Variants in SVIL observed in about 807,000 individuals in gnomAD.
SVIL encodes archvillin.
A neutral mutation model predicts 240.4 loss-of-function variants in SVIL; 101 were observed. The ratio of observed to expected loss-of-function variants is 0.42; its 90% CI spans 0.36 to 0.50. The LOEUF (loss-of-function observed/expected upper bound fraction) is 0.50. SVIL is among the 20% of genes least tolerant of loss of function. The probability of loss-of-function intolerance (pLI) is 0.01; values close to 1 mark genes in which losing one functional copy is unlikely to be tolerated. For synonymous variants in SVIL, 999 were observed against 1,100.0 expected (o/e 0.91, Z 1.82); for missense variants, 2,512 against 2,818.7 (o/e 0.89, Z 2.46).
At chr10:29,490,337 A>G (rs1025297957) in intron 22 of SVIL, among the ~76,000 whole-genome samples, 1 of 152,226 alleles carries the variant, frequency 6.6e-6, no homozygotes, top group African/African-American at 2.4e-5. Context: ...TCAAACGACT[A>G]ATAAGATTAA....
At chr10:29,649,446 C>T (rs1387478119) in intron 3 of SVIL, among the ~76,000 whole-genome samples, 2 of 152,072 alleles carry the variant, frequency 1.3e-5, no homozygotes, top group Non-Finnish European at 2.9e-5. Flanking sequence ...TTAAACCACA[C>T]ACATAAGAAA....
At chr10:29,633,112 T>C (rs2132955490) in intron 1 of SVIL, among the ~76,000 whole-genome samples, 1 of 152,114 alleles carries the variant, frequency 6.6e-6, no homozygotes, top group East Asian at 1.9e-4. Flanking sequence ...GCCAGGTGCC[T>C]GTAATCCCAG....
At chr10:29,461,223 A>G (rs2132266057) in intron 36 of SVIL, among the ~76,000 whole-genome samples, 1 of 152,192 alleles carries the variant, frequency 6.6e-6, no homozygotes, top group Middle Eastern at 3.4e-3. Context: ...CAATTTGGTA[A>G]CTCCTGAACT....
Position 29,665,936 on chromosome 10 carries a change from G to T in SVIL, c.-300-7868C>A, listed in dbSNP as rs539915044. Among the ~76,000 whole-genome samples, 9 of 152,346 alleles carry T rather than the reference G, an allele frequency of 5.9e-5. No individual in the cohort carries two copies. In the East Asian group the frequency reaches 1.5e-3, roughly 26 times the overall value. ...AACCCCCATAACGGGGGAAAAAAGGGGATGGGTCCTGATTGATCCTGGATG... is the reference window on the plus strand; with the variant it reads ...AACCCCCATAACGGGGGAAAAAAGGTGATGGGTCCTGATTGATCCTGGATG... On this transcript the variant is annotated intron_variant, in intron 2 of 35. Coordinates refer to the SVIL transcript ENST00000375400.
At chr10:29,516,775 C>G (rs556346524) in intron 16 of SVIL, among the ~76,000 whole-genome samples, 1 of 152,190 alleles carries the variant, frequency 6.6e-6, no homozygotes, top group Non-Finnish European at 1.5e-5. Flanking sequence ...CCAGGACACC[C>G]GGGGAAACGG....
At chr10:29,474,156 G>T (rs575153146) in intron 29 of SVIL, among the ~76,000 whole-genome samples, 167 bp from the exon 30 acceptor site, 2 of 152,160 alleles carry the variant, frequency 1.3e-5, no homozygotes, top group African/African-American at 2.4e-5. Flanking sequence ...GTCACGCCCA[G>T]GAGAAGAGAA....
chr10:29,494,182 GA>G (rs71020792), intron 20 of SVIL, among the ~76,000 whole-genome samples: 31,704 of 147,096 alleles, frequency 0.22, 3,442 homozygotes, highest in African/African-American at 0.23. Context: ...AAACAAACAA[GA>G]AAAAAAAAAA....
chr10:29,726,039 A>G (rs542980853), intron 1 of SVIL, among the ~76,000 whole-genome samples: 1 of 152,294 alleles, frequency 6.6e-6, no homozygotes, highest in South Asian at 2.1e-4. Flanking sequence ...CTCCCACTTC[A>G]GCCACCCAAG....
intron 3 of SVIL, among the ~76,000 whole-genome samples, chr10:29,646,866 T>C (rs1258735603): frequency 6.6e-6 from 1 of 152,112 alleles, no homozygotes; most frequent in East Asian, 1.9e-4. Context: ...TGCCGTATTC[T>C]CAGGACCATG....
intron 1 of SVIL, among the ~76,000 whole-genome samples, chr10:29,714,752 G>C (rs1037121402): frequency 4.6e-5 from 7 of 151,948 alleles, no homozygotes; most frequent in Admixed American, 2.6e-4. Flanking sequence ...TTGAGCTCAG[G>C]AGTTCAAGAC....
chr10:29,494,822 C>G, intron 20 of SVIL, 92 bp downstream of exon 20: 1 of 1,336,306 alleles, frequency 7.5e-7, no homozygotes, highest in East Asian at 2.3e-5. Flanking sequence ...CAGTCTTGAC[C>G]AAAACTTCTT....
chr10:29,571,043 G>A (rs1458037437), intron 1 of SVIL, among the ~76,000 whole-genome samples: 6 of 152,160 alleles, frequency 3.9e-5, no homozygotes, highest in African/African-American at 9.7e-5. Context: ...GCACACAGAC[G>A]GCTCGGTCAC....
chr10:29,603,654 G>C (rs1956899456), intron 1 of SVIL, among the ~76,000 whole-genome samples: 1 of 152,080 alleles, frequency 6.6e-6, no homozygotes, highest in Non-Finnish European at 1.5e-5. Flanking sequence ...ATAGGAATGA[G>C]CAAAGGGACC....
chr10:29,659,036 G>T (rs762161204), intron 2 of SVIL, among the ~76,000 whole-genome samples: 1 of 152,162 alleles, frequency 6.6e-6, no homozygotes, highest in African/African-American at 2.4e-5. Context: ...AAGAGTGAGG[G>T]GAAACCCCAC....
chr10:29,475,989 C>A (rs1946153751), intron 29 of SVIL, among the ~76,000 whole-genome samples: 2 of 152,176 alleles, frequency 1.3e-5, no homozygotes, highest in Non-Finnish European at 2.9e-5. Flanking sequence ...GTAAATGATT[C>A]TAATAATTTC....
Position 29,735,349 on chromosome 10 carries a change from T to C in SVIL, c.-400+402A>G, listed in dbSNP as rs78473672. Among the ~76,000 whole-genome samples, 4,568 of 149,988 alleles carry C rather than the reference T, an allele frequency of 0.03. 84 individuals are homozygous for C. Among genetic ancestry groups the C allele is most frequent in the East Asian group, 0.081 (400 of 4,968 alleles). ...GTAGTTCTGATCACTGGCGCGCCAC[T>C]CCCCGGGCCACCCGCCTCCCCGCCA... On this transcript the variant is annotated intron_variant, in intron 1 of 35. Coordinates refer to the SVIL transcript ENST00000375400. The surrounding 1 kb of genome is among the most constrained non-coding windows in gnomAD (Gnocchi z 4.1).
At chr10:29,619,401 G>A (rs1325690720) in intron 1 of SVIL, among the ~76,000 whole-genome samples, 4 of 152,132 alleles carry the variant, frequency 2.6e-5, no homozygotes, top group South Asian at 4.1e-4. Flanking sequence ...CTAACCAGAC[G>A]TATGACACAT....
At chr10:29,677,746 C>G (rs1960307701) in intron 2 of SVIL, among the ~76,000 whole-genome samples, 1 of 152,112 alleles carries the variant, frequency 6.6e-6, no homozygotes, top group Admixed American at 6.6e-5. Flanking sequence ...TGGCCACTTA[C>G]TGTCGGATTC....
intron 7 of SVIL, among the ~76,000 whole-genome samples, chr10:29,534,267 C>A (rs898153112): frequency 2.6e-5 from 4 of 152,134 alleles, no homozygotes; most frequent in Admixed American, 1.3e-4. Flanking sequence ...TTTTGGGAGG[C>A]CTGGGCAGGA....
Sources: allele counts gnomAD v4.1 joint callset (sites outside exome capture counted in the v4.1 genomes callset), GRCh38; gene constraint gnomAD v4.1.1; non-coding constraint Gnocchi (gnomAD v3.1); transcripts MANE v1.5; gene names NCBI Gene and HGNC (gene_info 2026-07-23, HGNC 2026-07-21).